Variants in WNT11 observed in about 807,000 individuals in gnomAD.
WNT11 encodes Wnt family member 11.
A neutral mutation model predicts 35.6 loss-of-function variants in WNT11; 20 were observed. The ratio of observed to expected loss-of-function variants is 0.56; its 90% confidence interval spans 0.40 to 0.82. WNT11 has a LOEUF of 0.82. Among genes scored for constraint, WNT11 ranks in the 40% least tolerant of loss-of-function variants. WNT11 has a pLI of 0.00. For missense variants in WNT11, 459 were observed against 504.4 expected (o/e 0.91, Z 0.86); for synonymous variants, 200 against 211.9 (o/e 0.94, Z 0.49).
upstream of WNT11, among the ~76,000 whole-genome samples, chr11:76,209,573 A>G (rs955251782): frequency 2.0e-5 from 3 of 152,012 alleles, no homozygotes; most frequent in African/African-American, 7.2e-5. Flanking sequence ...CTTCAAGGTT[A>G]CCTGCGGGGC....
At chr11:76,198,975 A>C (rs913949430) in intron 1 of WNT11, among the ~76,000 whole-genome samples, 5 of 152,064 alleles carry the variant, frequency 3.3e-5, no homozygotes, top group African/African-American at 1.2e-4. Context: ...ATCTACTCAA[A>C]AAATACAAAA....
chr11:76,191,326 C>T (rs1186066979), intron 4 of WNT11, among the ~76,000 whole-genome samples: 1 of 152,192 alleles, frequency 6.6e-6, no homozygotes, highest in Non-Finnish European at 1.5e-5. Context: ...CCCCCATCAG[C>T]CTACATTCAC....
rs1591314595 is a variant in WNT11, at chr11:76,206,486, TC to T, written c.-80del. The stretch of plus-strand genomic sequence containing the variant: ...CCTCCGCCTGCACGGCCGCCGCTGG[TC>T]CTGCACGCCGCCTGCAGCCGGGGAG... On this transcript the variant is annotated 5_prime_UTR_variant, in exon 1 of 5. Transcript: ENST00000322563. 6.3e-6 allele frequency: 8 copies of T among 1,270,138 alleles called. No homozygotes were observed. Among genetic ancestry groups the T allele is most frequent in the Non-Finnish European group, 6.9e-6 (7 of 1,009,262 alleles). The allele number at this position is 1,270,138 out of a possible 1,614,324, so 78.7% of individuals were successfully genotyped here.
rs1290510999 is a variant in WNT11, at chr11:76,186,405, G to C, written c.*660C>G. On this transcript the variant is annotated 3_prime_UTR_variant, in exon 5 of 5. Transcript: ENST00000322563. Reference sequence around the variant, plus strand: ...TGACGAGGCCGGGAACTGCAGGGGCGGGCTGGGGCTCACTCAGCATTTATT... The same window carrying C: ...TGACGAGGCCGGGAACTGCAGGGGCCGGCTGGGGCTCACTCAGCATTTATT... 3.3e-5 allele frequency: 5 copies of C among 151,914 alleles called. No individual in the cohort carries two copies. The highest frequency in any genetic ancestry group is 5.9e-5 in the Non-Finnish European group (4 of 67,990). 9.4% of individuals were successfully genotyped at this position (151,914 alleles called of 1,614,324 possible). A position where few individuals can be genotyped will look rare whatever the true frequency, so the allele number is the denominator to read the frequency against.
At chr11:76,196,996 A>G (rs983524614) in intron 1 of WNT11, among the ~76,000 whole-genome samples, 10 of 152,210 alleles carry the variant, frequency 6.6e-5, no homozygotes, top group Non-Finnish European at 1.5e-4. Context: ...AAGCTTTAGG[A>G]TAATTATACT....
chr11:76,194,787 A>T lies in WNT11; in HGVS notation c.377T>A (p.Ile126Asn). ...GTCGCCGGAGGTGCAGGCCCGGGCG[A>T]TGGCGTGGCTGATGGCGGCGGCCGA... The part of the protein sequence containing the change: ...ALSAAAISHA[I>N]ARACTSGDLP... Residue 126 changes from isoleucine (I) to asparagine (N), a missense_variant, in exon 3 of 5, where the codon ATC becomes AAC. Transcript: ENST00000322563. This position sits in a 1 kb window ranked among gnomAD's most constrained non-coding sequence, Gnocchi z 5.4. 6.4e-7 allele frequency: 1 copy of T among 1,554,138 alleles called. No homozygotes were observed.
intron 2 of WNT11, among the ~76,000 whole-genome samples, chr11:76,195,541 C>T (rs1013029075): frequency 6.6e-6 from 1 of 152,234 alleles, no homozygotes; most frequent in African/African-American, 2.4e-5. Context: ...GGGAGCACGG[C>T]CCTGCTGACA....
intron 4 of WNT11, 105 bp downstream of exon 4, chr11:76,191,459 T>TC: frequency 7.5e-7 from 1 of 1,328,004 alleles, no homozygotes; most frequent in South Asian, 1.3e-5. Context: ...GGGTCTCCAT[T>TC]CCCCACATGC....
upstream of WNT11, among the ~76,000 whole-genome samples, chr11:76,208,090 G>A (rs1183980220): frequency 6.6e-6 from 1 of 152,208 alleles, no homozygotes; most frequent in Non-Finnish European, 1.5e-5. Flanking sequence ...CAGCCTCGGT[G>A]TCCCCTTCCA....
intron 4 of WNT11, among the ~76,000 whole-genome samples, chr11:76,189,202 G>A (rs1455074783): frequency 6.6e-5 from 10 of 152,226 alleles, no homozygotes; most frequent in Admixed American, 6.5e-4. Flanking sequence ...GGCTCTGGCT[G>A]AGCACTCTAC....
chr11:76,208,693 G>A (rs1003292434), upstream of WNT11, among the ~76,000 whole-genome samples: 1 of 152,160 alleles, frequency 6.6e-6, no homozygotes, highest in Non-Finnish European at 1.5e-5. Context: ...AGGGAGAGGA[G>A]GAGCCCCCTA....
At chr11:76,192,648 A>C (rs1379158943) in intron 3 of WNT11, among the ~76,000 whole-genome samples, 1 of 152,250 alleles carries the variant, frequency 6.6e-6, no homozygotes, top group Non-Finnish European at 1.5e-5. Context: ...CATTTAAGTA[A>C]TAACTATGGT....
At chr11:76,187,370 G>T in intron 4 of WNT11, 131 bp from the exon 5 acceptor site, 1 of 847,542 alleles carries the variant, frequency 1.2e-6, no homozygotes. Context: ...AAGCTGTCTT[G>T]ATCTTTGGGG....
At chr11:76,205,795 C>T (rs1953463071) in intron 1 of WNT11, among the ~76,000 whole-genome samples, 1 of 152,222 alleles carries the variant, frequency 6.6e-6, no homozygotes, top group Non-Finnish European at 1.5e-5. Context: ...TTCTGAGGTC[C>T]TTTCAGGAGC....
At position 76,200,793 on chromosome 11, in the gene WNT11, T is replaced by C. The variant is rs147621161; in HGVS notation, c.84-4075A>G. 7.9e-5 allele frequency among the ~76,000 whole-genome samples: 12 copies of C among 152,288 alleles called. 1 individual carries two copies. The East Asian group carries it at 1.7e-3, about 22-fold the overall frequency. ...TCTTCCCGCTCCTTCTGAGCCAGCT[T>C]CCTCCATTTTCAAATGAGAAGGACA... is the stretch of plus-strand genomic sequence containing the variant. On this transcript the variant is annotated intron_variant, in intron 1 of 4. Transcript: ENST00000322563.
chr11:76,193,218 G>A (rs991221627), intron 3 of WNT11, among the ~76,000 whole-genome samples: 3 of 152,248 alleles, frequency 2.0e-5, no homozygotes, highest in African/African-American at 7.2e-5. Context: ...TATTAAACAC[G>A]TTTGTGATCT....
Position 76,191,670 on chromosome 11 carries a change from C to A in WNT11, c.784G>T (p.Asp262Tyr). Reference sequence around the variant, plus strand: ...TCCTTCACAGGCCGGATATCCAGGTCCTTGGGCACCAGGTGCTTGCGGGTG... The same window carrying A: ...TCCTTCACAGGCCGGATATCCAGGTACTTGGGCACCAGGTGCTTGCGGGTG... ...MGTRKHLVPK[D>Y]LDIRPVKDSE... Residue 262 changes from aspartate (D) to tyrosine (Y), a missense_variant, in exon 4 of 5, where the codon GAC becomes TAC. Coordinates refer to ENST00000322563, the MANE Select transcript of WNT11 (RefSeq NM_004626.3). The A allele has an allele frequency of 6.2e-7, 1 of 1,614,072 alleles. No individual in the cohort carries two copies.
chr11:76,194,480 C>A lies in WNT11; in HGVS notation c.597+87G>T. On this transcript the variant is annotated intron_variant, in intron 3 of 4. Transcript: ENST00000322563. This position sits in a 1 kb window ranked among gnomAD's most constrained non-coding sequence, Gnocchi z 5.4. ...CCAGTCAGGGCCCGTCCCCCCGCAC[C>A]CCCCACCACTGGGGCAAGCTGGGTG... The A allele has an allele frequency of 6.8e-7, 1 of 1,461,346 alleles. No individual in the cohort carries two copies. Among genetic ancestry groups the A allele is most frequent in the Non-Finnish European group, 9.1e-7 (1 of 1,094,388 alleles). 90.5% of individuals were successfully genotyped at this position (1,461,346 alleles called of 1,614,324 possible).
intron 4 of WNT11, among the ~76,000 whole-genome samples, chr11:76,190,055 G>A (rs1234846056): frequency 6.6e-6 from 1 of 151,994 alleles, no homozygotes; most frequent in Non-Finnish European, 1.5e-5. Flanking sequence ...AGGGCACGGG[G>A]GAGGGGAGAC....
Sources: gnomAD v4.1 joint callset for allele counts (sites outside exome capture counted in the v4.1 genomes callset) on GRCh38, gnomAD v4.1.1 for gene constraint, Gnocchi (gnomAD v3.1) non-coding constraint, MANE v1.5 for transcripts, NCBI Gene and HGNC (gene_info 2026-07-23, HGNC 2026-07-21) for gene names.